ANO2: variants seen among roughly 807,000 people sequenced by gnomAD.
ANO2 encodes the protein anoctamin-2.
A neutral mutation model predicts 124.2 loss-of-function variants in ANO2; 101 were observed. That is an observed-to-expected ratio of 0.81 (90% CI 0.69 to 0.96). ANO2 has a LOEUF of 0.96. Among genes scored for constraint, ANO2 ranks in the 40% least tolerant of loss-of-function variants. The pLI is 0.00. For missense variants in ANO2, 1,293 were observed against 1,274.5 expected (o/e 1.01, Z -0.22); for synonymous variants, 486 against 482.5 (o/e 1.01, Z -0.09).
At chr12:5,916,978 A>C (rs952020600) in intron 3 of ANO2, among the ~76,000 whole-genome samples, 2 of 152,152 alleles carry the variant, frequency 1.3e-5, no homozygotes, top group African/African-American at 4.8e-5. Flanking sequence ...CCACAATGAG[A>C]GGTGGAAGTC....
At chr12:5,656,185 C>G (rs1470506654) in intron 14 of ANO2, among the ~76,000 whole-genome samples, 1 of 152,186 alleles carries the variant, frequency 6.6e-6, no homozygotes, top group Non-Finnish European at 1.5e-5. Context: ...TCCCCATACT[C>G]TTTTCCTAGC....
At chr12:5,812,886 G>C (rs572172719) in intron 7 of ANO2, among the ~76,000 whole-genome samples, 12 of 141,918 alleles carry the variant, frequency 8.5e-5, no homozygotes, top group African/African-American at 2.6e-4. Context: ...AAAGAAGGAA[G>C]GAAGGAGAAG....
chr12:5,649,028 C>A (rs558584987), intron 14 of ANO2, among the ~76,000 whole-genome samples: 69 of 152,300 alleles, frequency 4.5e-4, no homozygotes, highest in African/African-American at 1.6e-3. Context: ...GTGCATTGAT[C>A]TTGGTGCCAC....
At chr12:5,921,669 C>T (rs931466027) in intron 2 of ANO2, among the ~76,000 whole-genome samples, 77 of 152,098 alleles carry the variant, frequency 5.1e-4, no homozygotes, top group Non-Finnish European at 1.5e-4. Flanking sequence ...CCCTCACAAC[C>T]GCACTCCTGC....
intron 9 of ANO2, among the ~76,000 whole-genome samples, chr12:5,805,651 G>A (rs555857858): frequency 6.6e-6 from 1 of 152,310 alleles, no homozygotes; most frequent in African/African-American, 2.4e-5. Flanking sequence ...AGGGCTAGAG[G>A]TGTTCCGAGC....
At chr12:5,729,193 T>C (rs1449855094) in intron 14 of ANO2, among the ~76,000 whole-genome samples, 3 of 152,166 alleles carry the variant, frequency 2.0e-5, no homozygotes, top group African/African-American at 7.2e-5. Flanking sequence ...AAGAAACTAT[T>C]TCTACATCAT....
chr12:5,569,862 C>A (rs536320377), intron 23 of ANO2, among the ~76,000 whole-genome samples: 1 of 152,252 alleles, frequency 6.6e-6, no homozygotes, highest in Admixed American at 6.5e-5. Flanking sequence ...GATAGAACAG[C>A]TGGGGTGGGG....
chr12:5,751,983 G>A (rs145309170), intron 10 of ANO2, among the ~76,000 whole-genome samples: 9 of 152,248 alleles, frequency 5.9e-5, no homozygotes, highest in Admixed American at 3.3e-4. Context: ...CAGTATTTGT[G>A]CTTCTGTGCC....
chr12:5,935,315 CCACCACAATGGTAA>C (rs780160050), intron 1 of ANO2, among the ~76,000 whole-genome samples: 25 of 152,112 alleles, frequency 1.6e-4, no homozygotes, highest in Non-Finnish European at 3.4e-4. Context: ...TAGCAAACAT[CCACCACAATGGTAA>C]CACCATGTGA....
intron 20 of ANO2, among the ~76,000 whole-genome samples, chr12:5,599,268 G>T (rs1220047816): frequency 6.6e-6 from 1 of 152,160 alleles, no homozygotes; most frequent in East Asian, 1.9e-4. Flanking sequence ...CCAAACTGTT[G>T]ACTGAGCTGC....
chr12:5,812,195 G>A (rs2137182135), intron 7 of ANO2, among the ~76,000 whole-genome samples: 1 of 141,804 alleles, frequency 7.1e-6, no homozygotes, highest in Admixed American at 7.0e-5. Flanking sequence ...GAAGGGGAAG[G>A]GAGGGAAGAA....
intron 1 of ANO2, among the ~76,000 whole-genome samples, chr12:5,935,766 A>G (rs11063928): frequency 3.3e-5 from 5 of 152,160 alleles, no homozygotes; most frequent in Non-Finnish European, 4.4e-5. Context: ...GATATTCATT[A>G]GAATCACCCA....
chr12:5,889,117 C>A (rs2136270192), intron 3 of ANO2, among the ~76,000 whole-genome samples: 1 of 152,352 alleles, frequency 6.6e-6, no homozygotes, highest in East Asian at 1.9e-4. Flanking sequence ...CTGCCCACGG[C>A]CGGCGGGCCG....
chr12:5,813,042 A>G (rs1953483258), intron 7 of ANO2, among the ~76,000 whole-genome samples: 1 of 120,998 alleles, frequency 8.3e-6, no homozygotes, highest in South Asian at 2.9e-4. Flanking sequence ...GAGAAGAAAC[A>G]AAGAAAGAAA....
At chr12:5,640,897 T>C (rs951319560) in intron 15 of ANO2, among the ~76,000 whole-genome samples, 2 of 152,146 alleles carry the variant, frequency 1.3e-5, no homozygotes, top group African/African-American at 4.8e-5. Context: ...GGATTATAAA[T>C]CAATCTACTA....
intron 1 of ANO2, among the ~76,000 whole-genome samples, chr12:5,929,866 G>C (rs369278267): frequency 2.0e-5 from 2 of 100,632 alleles, no homozygotes; most frequent in African/African-American, 4.3e-5. Context: ...TCACTCGTCT[G>C]CCTTCTTTCC....
intron 20 of ANO2, among the ~76,000 whole-genome samples, chr12:5,579,217 G>T (rs7133109): frequency 0.67 from 101,994 of 152,142 alleles, 34,439 homozygotes; most frequent in East Asian, 0.8. Context: ...GGTCTGTTCT[G>T]GCCTGCAAGA....
At position 5,895,796 on chromosome 12, in the gene ANO2, G is replaced by GA. The variant is rs939256112; in HGVS notation, c.534+25243dup. On this transcript the variant is annotated intron_variant, in intron 3 of 24. Coordinates refer to ENST00000682330, the MANE Select transcript of ANO2 (RefSeq NM_001364791.2). ...CCCACTTCTGGGTAGCTACCCAAAG[G>GA]AAAAAAAAAAAGTCATTATATGAAA... 7.6e-3 allele frequency among the ~76,000 whole-genome samples: 1,078 copies of GA among 141,876 alleles called. 10 individuals carry two copies. The highest frequency in any genetic ancestry group is 0.025 in the African/African-American group (963 of 38,874). 93.1% of individuals were successfully genotyped at this position (141,876 alleles called of 152,430 possible).
intron 20 of ANO2, among the ~76,000 whole-genome samples, chr12:5,582,995 CT>C (rs1178926891): frequency 2.0e-5 from 3 of 152,160 alleles, no homozygotes. Flanking sequence ...TTTATTTGAC[CT>C]GCTCCCTAGA....
Sources: gnomAD v4.1 joint callset for allele counts (sites outside exome capture counted in the v4.1 genomes callset) on GRCh38, gnomAD v4.1.1 for gene constraint, MANE v1.5 for transcripts, NCBI Gene and HGNC (gene_info 2026-07-23, HGNC 2026-07-21) for gene names.